FAT3: variants seen among roughly 807,000 people sequenced by gnomAD.
The protein encoded by FAT3 is FAT atypical cadherin 3, also known as protocadherin Fat 3.
FAT3 carries 95 observed loss-of-function variants against 310.2 expected under a neutral mutation model. That is an observed-to-expected ratio of 0.31 (90% confidence interval 0.26 to 0.36). FAT3 has a LOEUF of 0.36. Ranked by LOEUF, FAT3 falls within the 10% of genes least tolerant of loss-of-function variation. The probability of loss-of-function intolerance (pLI) is 1.00; values close to 1 mark genes in which losing one functional copy is unlikely to be tolerated. For missense variants in FAT3, 5,408 were observed against 5,715.6 expected (o/e 0.95, Z 1.74); for synonymous variants, 2,314 against 2,192.9 (o/e 1.06, Z -1.54).
intron 3 of FAT3, among the ~76,000 whole-genome samples, chr11:92,677,392 A>T (rs1943321847): frequency 6.6e-6 from 1 of 152,234 alleles, no homozygotes; most frequent in Non-Finnish European, 1.5e-5. Flanking sequence ...GGCTAAAATG[A>T]ACTCTGAGAT....
intron 21 of FAT3, among the ~76,000 whole-genome samples, chr11:92,862,809 T>C (rs541605408): frequency 6.6e-6 from 1 of 152,348 alleles, no homozygotes; most frequent in Admixed American, 6.5e-5. Flanking sequence ...TAATTTCGAC[T>C]CTCATTCCCC....
At chr11:92,589,674 C>G (rs980944137) in intron 3 of FAT3, among the ~76,000 whole-genome samples, 1 of 151,980 alleles carries the variant, frequency 6.6e-6, no homozygotes, top group African/African-American at 2.4e-5. Context: ...GTGTTTCTCT[C>G]TCGCTCTCCC....
chr11:92,405,809 T>C (rs987556381), intron 2 of FAT3, among the ~76,000 whole-genome samples: 1 of 152,112 alleles, frequency 6.6e-6, no homozygotes, highest in East Asian at 1.9e-4. Flanking sequence ...TAGAAAAATA[T>C]GTATTTGGAA....
rs754830139 is a variant in FAT3, at chr11:92,697,386, C to G, written c.3610C>G (p.Leu1204Val). The G allele has an allele frequency of 5.0e-6, 8 of 1,613,724 alleles. No individual in the cohort carries two copies. The highest frequency in any genetic ancestry group is 6.8e-6 in the Non-Finnish European group (8 of 1,179,734). ...NFFAINIKTG[L>V]ITTTSRKLDR... ...CAAATATTCTCATTTCTACACAGGT[C>G]TGATTACAACAACTTCAAGGAAATT... The change falls in exon 4 of 28, where the codon CTG becomes GTG. Residue 1204 changes from leucine to valine, a missense_variant and splice_region_variant. By Grantham distance (32) the Leu-to-Val change is conservative. Around this residue, in one of 5 missense-constraint regions of FAT3, gnomAD observed 4,588 missense variants for 4,809.8 expected, o/e 0.95. Coordinates refer to ENST00000525166, the MANE Select transcript of FAT3 (RefSeq NM_001367949.2).
chr11:92,358,562 T>C (rs977400219), intron 2 of FAT3, among the ~76,000 whole-genome samples: 1 of 152,204 alleles, frequency 6.6e-6, no homozygotes, highest in African/African-American at 2.4e-5. Context: ...GTTGAGATTT[T>C]TTTTAAGAAG....
At chr11:92,694,760 G>A (rs891189287) in intron 3 of FAT3, among the ~76,000 whole-genome samples, 3 of 152,104 alleles carry the variant, frequency 2.0e-5, no homozygotes, top group African/African-American at 7.2e-5. Flanking sequence ...ACAGCCCTTT[G>A]ACTCATTTAT....
intron 3 of FAT3, among the ~76,000 whole-genome samples, chr11:92,583,686 T>G (rs1030863738): frequency 2.1e-4 from 32 of 151,970 alleles, no homozygotes; most frequent in African/African-American, 7.5e-4. Flanking sequence ...TCTTATACCC[T>G]TCAACCGCAG....
At chr11:92,429,006 G>A (rs1258236730) in intron 2 of FAT3, among the ~76,000 whole-genome samples, 2 of 152,066 alleles carry the variant, frequency 1.3e-5, no homozygotes, top group Admixed American at 6.6e-5. Flanking sequence ...TTATTGTGTG[G>A]GAGTCTAAGT....
intron 13 of FAT3, among the ~76,000 whole-genome samples, chr11:92,811,813 T>C (rs1947680992): frequency 6.6e-6 from 1 of 152,228 alleles, no homozygotes; most frequent in Non-Finnish European, 1.5e-5. Flanking sequence ...GGCCATTGCA[T>C]CAGCCACAGG....
intron 4 of FAT3, among the ~76,000 whole-genome samples, chr11:92,715,361 T>C (rs1944651389): frequency 6.6e-6 from 1 of 151,456 alleles, no homozygotes; most frequent in South Asian, 2.1e-4. Context: ...TGAACCAAGA[T>C]CGCACCACTG....
intron 12 of FAT3, among the ~76,000 whole-genome samples, chr11:92,808,351 T>C (rs1291695929): frequency 6.6e-6 from 1 of 152,122 alleles, no homozygotes; most frequent in Non-Finnish European, 1.5e-5. Context: ...AGGAAACTGC[T>C]TAAAGGAAGA....
chr11:92,249,083 G>A (rs2134272993), intron 1 of FAT3, among the ~76,000 whole-genome samples: 1 of 151,638 alleles, frequency 6.6e-6, no homozygotes, highest in East Asian at 1.9e-4. Context: ...TAACATTTAA[G>A]GGTAAATTTT....
intron 1 of FAT3, among the ~76,000 whole-genome samples, chr11:92,306,569 ATATATTATATATATT>A (rs1241900685): frequency 3.2e-5 from 4 of 126,744 alleles, no homozygotes; most frequent in Non-Finnish European, 6.4e-5. Context: ...TATTTATATT[ATATATTATATATATT>A]TATATTATAT....
chr11:92,650,769 T>C (rs1320837275), intron 3 of FAT3, among the ~76,000 whole-genome samples: 1 of 152,174 alleles, frequency 6.6e-6, no homozygotes, highest in East Asian at 1.9e-4. Context: ...GATCATTACT[T>C]AGCTCCTCTC....
At chr11:92,854,128 A>G (rs1237508960) in intron 19 of FAT3, among the ~76,000 whole-genome samples, 2 of 152,170 alleles carry the variant, frequency 1.3e-5, no homozygotes, top group East Asian at 3.9e-4. Context: ...AGATGGGCCC[A>G]AGGTGGCAGC....
chr11:92,588,010 C>A (rs1186764779), intron 3 of FAT3, among the ~76,000 whole-genome samples: 1 of 151,968 alleles, frequency 6.6e-6, no homozygotes, highest in Non-Finnish European at 1.5e-5. Flanking sequence ...CTGTAAATCC[C>A]TCACCACTTC....
chr11:92,605,856 A>G (rs1940264853), intron 3 of FAT3, among the ~76,000 whole-genome samples: 1 of 150,432 alleles, frequency 6.6e-6, no homozygotes, highest in African/African-American at 2.5e-5. Flanking sequence ...TCAGTGACGG[A>G]TGTGTAATAC....
At chr11:92,591,838 G>A (rs1166082895) in intron 3 of FAT3, among the ~76,000 whole-genome samples, 1 of 152,014 alleles carries the variant, frequency 6.6e-6, no homozygotes, top group African/African-American at 2.4e-5. Flanking sequence ...TATTTCTTTG[G>A]ATCTGTCTTG....
chr11:92,349,139 G>T (rs570257501), intron 1 of FAT3, among the ~76,000 whole-genome samples: 1 of 152,276 alleles, frequency 6.6e-6, no homozygotes, highest in Admixed American at 6.5e-5. Flanking sequence ...CAAAATTACT[G>T]TTACAGGAAG....
Sources: gnomAD v4.1 joint callset for allele counts (sites outside exome capture counted in the v4.1 genomes callset) on GRCh38, gnomAD v4.1.1 for gene constraint, gnomAD v4.1.1 regional missense constraint, MANE v1.5 for transcripts, NCBI Gene and HGNC (gene_info 2026-07-23, HGNC 2026-07-21) for gene names.